The following FNDC1 variants were observed in gnomAD, a reference collection of about 807,000 sequenced individuals.
FNDC1 encodes the protein fibronectin type III domain-containing protein 1.
FNDC1 carries 96 observed loss-of-function variants against 168.0 expected under a neutral mutation model. That is an observed-to-expected ratio of 0.57 (90% CI 0.48 to 0.68). FNDC1 has a LOEUF of 0.68. Ranked by LOEUF, FNDC1 falls within the 30% of genes least tolerant of loss-of-function variation. The pLI is 0.00. For synonymous variants in FNDC1, 1,099 were observed against 1,025.9 expected (o/e 1.07, Z -1.36); for missense variants, 2,587 against 2,482.1 (o/e 1.04, Z -0.90).
intron 1 of FNDC1, among the ~76,000 whole-genome samples, chr6:159,171,911 A>T (rs952833789): frequency 6.6e-6 from 1 of 152,218 alleles, no homozygotes; most frequent in African/African-American, 2.4e-5. Flanking sequence ...AAGATTACTA[A>T]GATGCTATTT....
intron 14 of FNDC1, among the ~76,000 whole-genome samples, chr6:159,240,218 T>G (rs1227091404): frequency 6.6e-6 from 1 of 152,238 alleles, no homozygotes; most frequent in Non-Finnish European, 1.5e-5. Context: ...CAGATTTAAC[T>G]GGGCATCTTT....
At chr6:159,236,106 A>G (rs1783249778) in intron 11 of FNDC1, 109 bp from the exon 12 acceptor site, 2 of 669,576 alleles carry the variant, frequency 3.0e-6, no homozygotes. Context: ...TTCTGTTTAG[A>G]GCTTCTATTT....
chr6:159,239,473 A>G, intron 13 of FNDC1, 44 bp from the exon 14 acceptor site: 1 of 1,490,606 alleles, frequency 6.7e-7, no homozygotes, highest in Middle Eastern at 1.8e-4. Context: ...TTTTCTCTGG[A>G]TTGCTTCACC....
At chr6:159,227,468 T>C (rs878951467) in intron 9 of FNDC1, among the ~76,000 whole-genome samples, 1 of 152,210 alleles carries the variant, frequency 6.6e-6, no homozygotes, top group East Asian at 1.9e-4. Context: ...AATTTCTTAA[T>C]TGAAAAAACT....
intron 4 of FNDC1, among the ~76,000 whole-genome samples, chr6:159,210,340 C>G (rs1031982620): frequency 6.6e-6 from 1 of 152,186 alleles, no homozygotes; most frequent in African/African-American, 2.4e-5. Context: ...CTTCGGCTTC[C>G]TGCTGTCTGG....
chr6:159,210,144 C>G (rs1328071486), intron 4 of FNDC1, among the ~76,000 whole-genome samples: 1 of 152,148 alleles, frequency 6.6e-6, no homozygotes, highest in African/African-American at 2.4e-5. Context: ...CTGGTGCTGC[C>G]CACCACATCC....
At chr6:159,197,031 C>T (rs1458717010) in intron 1 of FNDC1, among the ~76,000 whole-genome samples, 3 of 152,116 alleles carry the variant, frequency 2.0e-5, no homozygotes, top group East Asian at 1.9e-4. Context: ...CTCTCCGAGA[C>T]GTTTAAAGAT....
chr6:159,220,913 G>T (rs1385171598), intron 5 of FNDC1, among the ~76,000 whole-genome samples: 1 of 152,188 alleles, frequency 6.6e-6, no homozygotes, highest in African/African-American at 2.4e-5. Context: ...TCAAACCTGT[G>T]TTGTTCAAGG....
At chr6:159,202,630 G>GACTT (rs1211880680) in intron 4 of FNDC1, among the ~76,000 whole-genome samples, 1 of 152,212 alleles carries the variant, frequency 6.6e-6, no homozygotes, top group Non-Finnish European at 1.5e-5. Flanking sequence ...TAAGCTGCTA[G>GACTT]AAACAATGGC....
intron 1 of FNDC1, among the ~76,000 whole-genome samples, chr6:159,188,975 C>T (rs1220735306): frequency 6.6e-6 from 1 of 152,072 alleles, no homozygotes; most frequent in Non-Finnish European, 1.5e-5. Context: ...TGGTCTTGAA[C>T]TCCTGATCTC....
intron 1 of FNDC1, among the ~76,000 whole-genome samples, chr6:159,178,645 G>A (rs547081491): frequency 6.6e-5 from 10 of 151,780 alleles, no homozygotes; most frequent in East Asian, 1.9e-4. Flanking sequence ...TATAAATGCC[G>A]TTCTACAGTA....
rs1461033950 is a variant in FNDC1 at position 159,233,310 on chromosome 6, G to A, written c.2798G>A (p.Gly933Glu). The part of the protein sequence containing the change: ...EPIPENPKST[G>E]ADTHPQGKYS... ...ATCCCAGAGAACCCCAAATCCACAGGGGCAGATACACATCCTCAGGGCAAG... is the reference window on the plus strand; with the variant it reads ...ATCCCAGAGAACCCCAAATCCACAGAGGCAGATACACATCCTCAGGGCAAG... Residue 933 changes from glycine to glutamate, a missense_variant, in exon 11 of 23, where the codon GGG becomes GAG. Coordinates refer to ENST00000297267, the MANE Select transcript of FNDC1 (RefSeq NM_032532.3). This position sits in a 1 kb window ranked among gnomAD's most constrained non-coding sequence, Gnocchi z 4.6. 4 of 1,613,774 alleles carry A rather than the reference G, an allele frequency of 2.5e-6. No individual in the cohort carries two copies. The highest frequency in any genetic ancestry group is 2.7e-5 in the African/African-American group (2 of 74,886).
chr6:159,174,747 C>A (rs1301207334), intron 1 of FNDC1, among the ~76,000 whole-genome samples: 1 of 152,204 alleles, frequency 6.6e-6, no homozygotes, highest in Non-Finnish European at 1.5e-5. Flanking sequence ...CAGCTGGGGT[C>A]AGAAGCCCGC....
At chr6:159,190,154 C>T (rs1371471733) in intron 1 of FNDC1, among the ~76,000 whole-genome samples, 1 of 152,194 alleles carries the variant, frequency 6.6e-6, no homozygotes, top group African/African-American at 2.4e-5. Context: ...CTCATCCTCG[C>T]CCTGAGGGGC....
intron 10 of FNDC1, among the ~76,000 whole-genome samples, chr6:159,231,018 CAAG>C (rs1223484350): frequency 6.6e-6 from 1 of 151,848 alleles, no homozygotes; most frequent in Non-Finnish European, 1.5e-5. Context: ...GAATTTTAAA[CAAG>C]AAGGAGGAAG....
At chr6:159,173,436 G>A (rs565837077) in intron 1 of FNDC1, among the ~76,000 whole-genome samples, 2 of 152,206 alleles carry the variant, frequency 1.3e-5, no homozygotes, top group African/African-American at 4.8e-5. Flanking sequence ...CCTTTTTTGT[G>A]CACTGGCACC....
intron 17 of FNDC1, among the ~76,000 whole-genome samples, chr6:159,253,217 C>A (rs563933035): frequency 1.3e-5 from 2 of 152,282 alleles, no homozygotes; most frequent in African/African-American, 4.8e-5. Flanking sequence ...AATACAGAGC[C>A]GTGCCAACTC....
At chr6:159,265,257 C>G (rs1195430914) in intron 20 of FNDC1, among the ~76,000 whole-genome samples, 1 of 152,176 alleles carries the variant, frequency 6.6e-6, no homozygotes, top group Non-Finnish European at 1.5e-5. Context: ...TCCTATGAAA[C>G]AGATACTTTA....
intron 15 of FNDC1, among the ~76,000 whole-genome samples, chr6:159,247,680 T>G (rs1413735121): frequency 6.6e-6 from 1 of 151,832 alleles, no homozygotes; most frequent in East Asian, 1.9e-4. Flanking sequence ...AGCCCAGGAG[T>G]TCGAGCTATG....
Sources: allele counts gnomAD v4.1 joint callset (sites outside exome capture counted in the v4.1 genomes callset), GRCh38; gene constraint gnomAD v4.1.1; non-coding constraint Gnocchi (gnomAD v3.1); transcripts MANE v1.5; gene names NCBI Gene and HGNC (gene_info 2026-07-23, HGNC 2026-07-21).